The following SCRN1 variants were observed in gnomAD, a reference collection of about 807,000 sequenced individuals.
The protein encoded by SCRN1 is secernin-1.
In SCRN1, 19 loss-of-function variants were observed where a neutral mutation model predicts 43.3. The observed-to-expected ratio is 0.44, with a 90% confidence interval of 0.31 to 0.64. The LOEUF (loss-of-function observed/expected upper bound fraction) is 0.64, where lower values mean the gene tolerates loss of function less well. SCRN1 is among the 30% of genes least tolerant of loss of function. SCRN1 has a pLI of 0.09. For synonymous variants in SCRN1, 183 were observed against 188.9 expected (o/e 0.97, Z 0.26); for missense variants, 447 against 524.1 (o/e 0.85, Z 1.44).
At chr7:29,927,648 T>C (rs1210744927) in intron 6 of SCRN1, among the ~76,000 whole-genome samples, 1 of 152,088 alleles carries the variant, frequency 6.6e-6, no homozygotes, top group Non-Finnish European at 1.5e-5. Context: ...CCCATATGTA[T>C]AGGTCAGATT....
chr7:29,964,332 A>T (rs1341513791), intron 2 of SCRN1, among the ~76,000 whole-genome samples: 1 of 152,234 alleles, frequency 6.6e-6, no homozygotes, highest in African/African-American at 2.4e-5. Context: ...TTGTTCAGTG[A>T]TAAAAAGAAA....
At chr7:29,973,371 C>T (rs575238902) in intron 1 of SCRN1, among the ~76,000 whole-genome samples, 20 of 152,338 alleles carry the variant, frequency 1.3e-4, no homozygotes, top group African/African-American at 3.6e-4. Flanking sequence ...TTCTTCAAAT[C>T]TCCAACCACC....
intron 6 of SCRN1, among the ~76,000 whole-genome samples, chr7:29,930,762 G>T (rs1426057684): frequency 6.6e-6 from 1 of 152,248 alleles, no homozygotes; most frequent in Non-Finnish European, 1.5e-5. Flanking sequence ...TCAGACTTCT[G>T]TGGTGTGGTG....
chr7:29,961,799 G>A (rs1020953741), intron 2 of SCRN1, among the ~76,000 whole-genome samples: 7 of 146,076 alleles, frequency 4.8e-5, no homozygotes, highest in Admixed American at 2.0e-4. Context: ...CCTCCCTCCC[G>A]GACGGAGCGG....
intron 1 of SCRN1, among the ~76,000 whole-genome samples, chr7:29,984,919 A>C (rs1233787440): frequency 1.5e-5 from 2 of 131,834 alleles, no homozygotes; most frequent in East Asian, 2.0e-4. Flanking sequence ...ACTCTGTCTC[A>C]AAAAAAAAAA....
chr7:29,975,797 G>T (rs1788811133), intron 1 of SCRN1, among the ~76,000 whole-genome samples: 1 of 152,204 alleles, frequency 6.6e-6, no homozygotes, highest in Non-Finnish European at 1.5e-5. Context: ...TCTAATTAAT[G>T]AAACACTCTA....
chr7:29,924,223 C>T, intron 7 of SCRN1, 108 bp from the exon 8 acceptor site: 2 of 1,057,022 alleles, frequency 1.9e-6, no homozygotes, highest in Non-Finnish European at 2.7e-6. Flanking sequence ...AAGGTCCTGT[C>T]CTCCCCACAC....
chr7:29,936,849 AT>A (rs1787351493), intron 5 of SCRN1, 128 bp from the exon 6 acceptor site: 1 of 604,242 alleles, frequency 1.7e-6, no homozygotes, highest in East Asian at 3.3e-5. Context: ...GATCGCGACC[AT>A]CCTGCATAAC....
chr7:29,929,797 C>G (rs1480268666), intron 6 of SCRN1, among the ~76,000 whole-genome samples: 1 of 152,214 alleles, frequency 6.6e-6, no homozygotes, highest in African/African-American at 2.4e-5. Flanking sequence ...ACTTGTGATG[C>G]CAGCTTCAGT....
intron 3 of SCRN1, among the ~76,000 whole-genome samples, chr7:29,948,673 G>C (rs879092487): frequency 6.6e-6 from 1 of 152,026 alleles, no homozygotes; most frequent in Non-Finnish European, 1.5e-5. Context: ...TCAGCATGCA[G>C]GAAAAAAAAG....
In SCRN1 at chr7:29,958,186, G is replaced by A. The variant is rs564310854; in HGVS notation, c.160-2826C>T. Among the ~76,000 whole-genome samples the A allele has an allele frequency of 2.6e-5, 4 of 152,282 alleles. 1 individual carries two copies. The highest frequency in any genetic ancestry group is 9.6e-5 in the African/African-American group (4 of 41,564). Reference sequence around the variant, plus strand: ...CTTTGTCACGGGCCACAGAGCACGGGCCTCATAAGGGCTCTTCTATGACAG... The same window carrying A: ...CTTTGTCACGGGCCACAGAGCACGGACCTCATAAGGGCTCTTCTATGACAG... On this transcript the variant is annotated intron_variant, in intron 2 of 7. Coordinates refer to ENST00000242059, the MANE Select transcript of SCRN1 (RefSeq NM_014766.5).
intron 3 of SCRN1, 64 bp from the exon 4 acceptor site, chr7:29,944,243 A>T: frequency 2.7e-6 from 4 of 1,502,056 alleles, no homozygotes; most frequent in Non-Finnish European, 3.7e-6. Flanking sequence ...TACTAGAGTA[A>T]CCAAAGACTG....
At position 29,986,546 on chromosome 7, in the gene SCRN1, ACT is replaced by A. The variant is rs1048367787; in HGVS notation, c.-2+3094_-2+3095del. Among the ~76,000 whole-genome samples the A allele has an allele frequency of 3.0e-4, 46 of 151,902 alleles. No homozygotes were observed. In the Middle Eastern group the frequency reaches 0.01, roughly 34 times the overall value. On this transcript the variant is annotated intron_variant, in intron 1 of 7. Coordinates refer to ENST00000242059, the MANE Select transcript of SCRN1 (RefSeq NM_014766.5). Reference sequence around the variant, plus strand: ...ACCAGATGAAACAGCACAGATCTAGACTCTAATGAAAACGGATTTAAAAAAAA... The same window carrying A: ...ACCAGATGAAACAGCACAGATCTAGACTAATGAAAACGGATTTAAAAAAAA...
chr7:29,952,285 C>G (rs1787963907), intron 3 of SCRN1, among the ~76,000 whole-genome samples: 1 of 152,206 alleles, frequency 6.6e-6, no homozygotes, highest in Non-Finnish European at 1.5e-5. Context: ...ACCAGCCATA[C>G]TTTGAGAACC....
chr7:29,924,803 C>T (rs1562799117), intron 7 of SCRN1, among the ~76,000 whole-genome samples: 1 of 152,172 alleles, frequency 6.6e-6, no homozygotes, highest in South Asian at 2.1e-4. Context: ...TCACTTCTTC[C>T]ATGGGACTCA....
intron 3 of SCRN1, among the ~76,000 whole-genome samples, chr7:29,954,624 C>A (rs906320284): frequency 2.4e-4 from 37 of 152,254 alleles, no homozygotes; most frequent in African/African-American, 8.9e-4. Flanking sequence ...TGTCTGGCTT[C>A]TCTCTCAGTA....
chr7:29,971,411 T>C (rs1412722670), intron 1 of SCRN1, among the ~76,000 whole-genome samples: 1 of 152,116 alleles, frequency 6.6e-6, no homozygotes, highest in Non-Finnish European at 1.5e-5. Context: ...GGCAGGCAGA[T>C]CACTTGAGCC....
intron 2 of SCRN1, 67 bp downstream of exon 2, chr7:29,968,842 G>C: frequency 1.9e-6 from 3 of 1,581,976 alleles, no homozygotes; most frequent in African/African-American, 2.7e-5. Flanking sequence ...CAAGAAGTTA[G>C]GGTTGTGCTA....
intron 4 of SCRN1, 55 bp downstream of exon 4, chr7:29,943,922 C>A (rs1787641146): frequency 6.6e-7 from 1 of 1,516,346 alleles, no homozygotes; most frequent in Non-Finnish European, 9.2e-7. Context: ...GCAGGCCACC[C>A]CATCTCTGTG....
Sources: gnomAD v4.1 joint callset for allele counts (sites outside exome capture counted in the v4.1 genomes callset) on GRCh38, gnomAD v4.1.1 for gene constraint, MANE v1.5 for transcripts, NCBI Gene and HGNC (gene_info 2026-07-23, HGNC 2026-07-21) for gene names.